The following CSMD1 variants were observed in gnomAD, a reference collection of about 807,000 sequenced individuals.
CSMD1 encodes the protein CUB and sushi domain-containing protein 1.
In CSMD1, 213 loss-of-function variants were observed where a neutral mutation model predicts 417.5. That is an observed-to-expected ratio of 0.51 (90% CI 0.46 to 0.57). The LOEUF is 0.57. Among genes scored for constraint, CSMD1 ranks in the 20% least tolerant of loss-of-function variants. CSMD1 has a pLI of 0.00. For missense variants in CSMD1, 6,923 were observed against 4,529.7 expected, an observed-to-expected ratio of 1.53 and a Z score of -15.17; for synonymous variants, 2,862 against 1,736.8, an observed-to-expected ratio of 1.65 and a Z score of -16.11.
intron 1 of CSMD1, among the ~76,000 whole-genome samples, chr8:4,746,394 C>G (rs1264282869): frequency 6.6e-6 from 1 of 152,188 alleles, no homozygotes; most frequent in Non-Finnish European, 1.5e-5. Flanking sequence ...TCCTGCAAAT[C>G]TCATTTTAAG....
rs558254907 is a variant in CSMD1 at position 4,973,064 on chromosome 8, C to T, written c.85+21268G>A. ...AAAGAAGGTAAAATAATGCATAGAA[C>T]CTCAATTATAAGAGTGCTTGGGCAA... On this transcript the variant is annotated intron_variant, in intron 1 of 69. Coordinates refer to ENST00000635120, the MANE Select transcript of CSMD1 (RefSeq NM_033225.6). 7.2e-5 allele frequency among the ~76,000 whole-genome samples: 11 copies of T among 152,170 alleles called. No individual in the cohort carries two copies. In the South Asian group the frequency reaches 8.3e-4, roughly 11 times the overall value.
intron 3 of CSMD1, among the ~76,000 whole-genome samples, chr8:4,061,178 G>C (rs1198511767): frequency 6.6e-6 from 1 of 152,138 alleles, no homozygotes; most frequent in Non-Finnish European, 1.5e-5. Context: ...AAATCCCTCA[G>C]CTGCAGTTCT....
At chr8:3,437,262 G>T (rs1010770848) in intron 12 of CSMD1, among the ~76,000 whole-genome samples, 2 of 152,136 alleles carry the variant, frequency 1.3e-5, no homozygotes, top group Non-Finnish European at 2.9e-5. Flanking sequence ...ATTCACTGAA[G>T]ACAACACAGG....
chr8:4,385,169 CT>C (rs945905368), intron 3 of CSMD1, among the ~76,000 whole-genome samples: 561 of 43,896 alleles, frequency 0.013, 3 homozygotes, highest in African/African-American at 0.081. Flanking sequence ...TCAGGTGATC[CT>C]CCCCGTCTCG....
chr8:3,553,091 C>A (rs1798987805), intron 10 of CSMD1, among the ~76,000 whole-genome samples: 1 of 149,974 alleles, frequency 6.7e-6, no homozygotes, highest in Non-Finnish European at 1.5e-5. Flanking sequence ...AACCAATCAA[C>A]CAACCAGCTA....
intron 3 of CSMD1, among the ~76,000 whole-genome samples, chr8:4,059,593 A>C (rs1356853332): frequency 3.3e-5 from 5 of 152,138 alleles, no homozygotes; most frequent in Non-Finnish European, 7.4e-5. Context: ...AGATGCAATA[A>C]AAAATGATAA....
intron 1 of CSMD1, chr8:4,787,479 T>C: frequency 1.2e-6 from 1 of 851,754 alleles, no homozygotes; most frequent in South Asian, 1.4e-5. Flanking sequence ...AAAGCTGCAA[T>C]CTCAAAGAAA....
chr8:4,115,857 C>G (rs1243803275), intron 3 of CSMD1, among the ~76,000 whole-genome samples: 2 of 151,860 alleles, frequency 1.3e-5, no homozygotes, highest in African/African-American at 4.8e-5. Context: ...TGCATGATCC[C>G]CAATCATATG....
At chr8:4,533,321 G>A (rs1796934199) in intron 2 of CSMD1, among the ~76,000 whole-genome samples, 1 of 152,188 alleles carries the variant, frequency 6.6e-6, no homozygotes, top group Non-Finnish European at 1.5e-5. Context: ...ACAAAGCCAA[G>A]GATTATCAGT....
chr8:3,431,252 C>G (rs1031033821), intron 12 of CSMD1, among the ~76,000 whole-genome samples: 2 of 152,140 alleles, frequency 1.3e-5, no homozygotes, highest in Non-Finnish European at 2.9e-5. Context: ...CATCCCTCAC[C>G]TTCCCTCCCA....
At chr8:3,765,857 G>C (rs1383391613) in intron 5 of CSMD1, among the ~76,000 whole-genome samples, 10 of 152,210 alleles carry the variant, frequency 6.6e-5, no homozygotes, top group Non-Finnish European at 1.5e-5. Flanking sequence ...GAAGGAGAAA[G>C]AGGAGGATGA....
intron 5 of CSMD1, among the ~76,000 whole-genome samples, chr8:3,922,457 T>C (rs1809344216): frequency 6.6e-6 from 1 of 152,128 alleles, no homozygotes; most frequent in Non-Finnish European, 1.5e-5. Flanking sequence ...TATTCTGTTC[T>C]GTTTCTCGTC....
intron 3 of CSMD1, among the ~76,000 whole-genome samples, chr8:4,074,729 G>C (rs1799732521): frequency 6.6e-6 from 1 of 151,734 alleles, no homozygotes; most frequent in Admixed American, 6.6e-5. Flanking sequence ...TAATTTCATT[G>C]ATTTAGGAAA....
chr8:4,333,003 G>C (rs35771310), intron 3 of CSMD1, among the ~76,000 whole-genome samples: 10,331 of 149,930 alleles, frequency 0.069, 420 homozygotes, highest in Middle Eastern at 0.19. Context: ...ATATGAAAGA[G>C]CCTAGCAACA....
Position 4,368,356 on chromosome 8 carries a change from T to A in CSMD1, c.415+51597A>T, listed in dbSNP as rs149521535. ...TACAGCCTACTTTATTGTGGTGAAT[T>A]AGCTTTTTCATCTGCTGCTGGATTC... On this transcript the variant is annotated intron_variant, in intron 3 of 69. Coordinates refer to ENST00000635120, the MANE Select transcript of CSMD1 (RefSeq NM_033225.6). Among the ~76,000 whole-genome samples, 714 of 152,278 alleles carry A rather than the reference T, an allele frequency of 4.7e-3. 4 individuals are homozygous for A. The highest frequency in any genetic ancestry group is 0.017 in the Middle Eastern group (5 of 294).
Position 3,387,534 on chromosome 8 carries a change from C to A in CSMD1, c.2742G>T (p.Glu914Asp), listed in dbSNP as rs754369864. ...AGGCGTGGTTCCACTGGTGGTTCCT[C>A]TCACAGACGAGGGGCTCGTCGTCAC... is the stretch of plus-strand genomic sequence containing the variant. The part of the protein sequence containing the change: ...TLSDDEPLVC[E>D]RNHQWNHALP... The change falls in exon 18 of 70, where the codon GAG becomes GAT. Residue 914 changes from glutamate to aspartate, a missense_variant. Transcript: ENST00000635120. 2 of 1,602,570 alleles carry A rather than the reference C, an allele frequency of 1.2e-6. No homozygotes were observed. Among genetic ancestry groups the A allele is most frequent in the Admixed American group, 1.7e-5 (1 of 58,604 alleles).
At chr8:4,452,590 C>T (rs761674084) in intron 2 of CSMD1, among the ~76,000 whole-genome samples, 1 of 152,116 alleles carries the variant, frequency 6.6e-6, no homozygotes, top group South Asian at 2.1e-4. Flanking sequence ...CATCAGAAAA[C>T]CGGTAACGAA....
At chr8:3,069,162 G>A (rs1202375758) in intron 49 of CSMD1, among the ~76,000 whole-genome samples, 3 of 152,086 alleles carry the variant, frequency 2.0e-5, no homozygotes, top group Non-Finnish European at 4.4e-5. Flanking sequence ...TGGGCCGGGC[G>A]CAGTGACTCA....
intron 1 of CSMD1, among the ~76,000 whole-genome samples, chr8:4,913,814 T>C (rs1472696069): frequency 1.3e-5 from 2 of 152,188 alleles, no homozygotes; most frequent in Non-Finnish European, 1.5e-5. Context: ...CCAGACTCTT[T>C]GGGGCTTCAT....
Sources: gnomAD v4.1 joint callset for allele counts (sites outside exome capture counted in the v4.1 genomes callset) on GRCh38, gnomAD v4.1.1 for gene constraint, MANE v1.5 for transcripts, NCBI Gene and HGNC (gene_info 2026-07-23, HGNC 2026-07-21) for gene names.